The following IDH2 variants were observed in gnomAD, a reference collection of about 807,000 sequenced individuals.
IDH2 encodes the protein isocitrate dehydrogenase [NADP], mitochondrial.
IDH2 carries 18 observed loss-of-function variants against 50.5 expected under a neutral mutation model. That is an observed-to-expected ratio of 0.36 (90% CI 0.25 to 0.53). IDH2 has a LOEUF of 0.53. Ranked by LOEUF, IDH2 falls within the 20% of genes least tolerant of loss-of-function variation. IDH2 has a pLI of 0.92. For synonymous variants in IDH2, 280 were observed against 239.8 expected, an observed-to-expected ratio of 1.17 and a Z score of -1.55; for missense variants, 518 against 610.7, an observed-to-expected ratio of 0.85 and a Z score of 1.60.
Position 90,102,393 on chromosome 15 carries a change from C to A in IDH2, c.-3G>T. On this transcript the variant is annotated 5_prime_UTR_variant, in exon 1 of 11. Coordinates refer to ENST00000330062, the MANE Select transcript of IDH2 (RefSeq NM_002168.4). The stretch of plus-strand genomic sequence containing the variant: ...ACGACCCGCAGGTAGCCGGCCATCC[C>A]AAGCTGGAGAGCGAACGAGCAGGGC... 1 of 1,336,890 alleles carries A rather than the reference C, an allele frequency of 7.5e-7. No individual in the cohort carries two copies. The highest frequency in any genetic ancestry group is 1.8e-5 in the South Asian group (1 of 56,672). The allele number at this position is 1,336,890 out of a possible 1,614,324, so 82.8% of individuals were successfully genotyped here.
chr15:90,087,922 G>T (rs866521753), intron 5 of IDH2, among the ~76,000 whole-genome samples: 2 of 150,956 alleles, frequency 1.3e-5, no homozygotes, highest in Non-Finnish European at 2.9e-5. Flanking sequence ...TGTGTCCCTG[G>T]CTTATCCAAT....
chr15:90,084,739 G>T lies in IDH2; in HGVS notation c.1271+77C>A. 1.7e-6 allele frequency: 2 copies of T among 1,176,220 alleles called. No homozygotes were observed. Among genetic ancestry groups the T allele is most frequent in the Non-Finnish European group, 2.5e-6 (2 of 789,932 alleles). The allele number at this position is 1,176,220 out of a possible 1,614,324, so 72.9% of individuals were successfully genotyped here. On this transcript the variant is annotated intron_variant, in intron 10 of 10. Coordinates refer to ENST00000330062, the MANE Select transcript of IDH2 (RefSeq NM_002168.4). This position sits in a 1 kb window ranked among gnomAD's most constrained non-coding sequence, Gnocchi z 5.0. ...CCCCCTTGCAGCTAAGCTGACTCAT[G>T]AGGGGGACTTTAGGAGGGGTCCCCT...
intron 2 of IDH2, 80 bp from the exon 3 acceptor site, chr15:90,090,724 A>C: frequency 7.1e-7 from 1 of 1,415,228 alleles, no homozygotes. Flanking sequence ...AGAAGTCTGC[A>C]GGCCATGGCA....
intron 6 of IDH2, 72 bp from the exon 7 acceptor site, chr15:90,087,335 G>C: frequency 6.2e-7 from 1 of 1,612,264 alleles, no homozygotes; most frequent in Non-Finnish European, 8.5e-7. Flanking sequence ...CCTGAGCCTC[G>C]GAGCTGAGCC....
In IDH2 at chr15:90,085,038, G is replaced by T. The variant is rs1900821461; in HGVS notation, c.1141C>A (p.His381Asn). The change falls in exon 9 of 11, where the codon CAC becomes AAC. Residue 381 changes from histidine (H) to asparagine (N), a missense_variant. His to Asn is a moderately conservative substitution (Grantham distance 68). This residue lies in a region of IDH2 where 135 missense variants were observed against 167.6 expected (regional missense o/e 0.81). Coordinates refer to ENST00000330062, the MANE Select transcript of IDH2 (RefSeq NM_002168.4). This position sits in a 1 kb window ranked among gnomAD's most constrained non-coding sequence, Gnocchi z 5.5. ...SIFAWTRGLE[H>N]RGKLDGNQDL... ...TGGTTCCCATCCAGCTTCCCCCGGT[G>T]CTCCAGGCCACGTGTCCAGGCAAAG... 12 of 1,613,990 alleles carry T rather than the reference G, an allele frequency of 7.4e-6. No individual in the cohort carries two copies. In the East Asian group the frequency reaches 1.1e-4, roughly 15 times the overall value.
chr15:90,100,494 G>A lies in IDH2; in HGVS notation c.115+1782C>T, dbSNP rs1011718575. 3.2e-6 allele frequency: 1 copy of A among 308,888 alleles called. No homozygotes were observed. The allele number at this position is 308,888 out of a possible 1,614,324, so 19.1% of individuals were successfully genotyped here. ...CAAGAATTAAGAAGTTTCTGGGTTAGGAGTGAAGGAAGGCTAGATAAGTAA... is the reference window on the plus strand; with the variant it reads ...CAAGAATTAAGAAGTTTCTGGGTTAAGAGTGAAGGAAGGCTAGATAAGTAA... On this transcript the variant is annotated intron_variant, in intron 1 of 10. Transcript: ENST00000330062. The surrounding 1 kb of genome is among the most constrained non-coding windows in gnomAD (Gnocchi z 4.1).
At chr15:90,087,673 G>A (rs983692780) in intron 5 of IDH2, 98 bp from the exon 6 acceptor site, 62 of 1,407,822 alleles carry the variant, frequency 4.4e-5, no homozygotes, top group Non-Finnish European at 6.0e-5. Context: ...TCCAGGAACG[G>A]TACCCCGCCG....
Position 90,083,450 on chromosome 15 carries a change from A to G in IDH2, c.*816T>C, listed in dbSNP as rs1187138572. ...GCCCGGCCGAGAACAATTTGTCACA[A>G]GCTTACTTTTCTAGTTTTGCCAATG... On this transcript the variant is annotated 3_prime_UTR_variant, in exon 11 of 11. Transcript: ENST00000330062. The G allele has an allele frequency of 6.6e-6, 1 of 152,212 alleles. No homozygotes were observed. The highest frequency in any genetic ancestry group is 1.5e-5 in the Non-Finnish European group (1 of 68,134). 9.4% of individuals were successfully genotyped at this position (152,212 alleles called of 1,614,324 possible). A position where few individuals can be genotyped will look rare whatever the true frequency, so the allele number is the denominator to read the frequency against.
At chr15:90,092,106 C>T (rs1901054305) in intron 1 of IDH2, among the ~76,000 whole-genome samples, 1 of 152,160 alleles carries the variant, frequency 6.6e-6, no homozygotes, top group African/African-American at 2.4e-5. Context: ...AAGCTCAGGA[C>T]CCCCCGATTG....
chr15:90,088,750 G>A lies in IDH2; in HGVS notation c.374-3C>T, dbSNP rs113691157. The stretch of plus-strand genomic sequence containing the variant: ...CCACATCTTCTTCAGCTTGAACTCT[G>A]TGAGGACAGAGATAATAGTGGTCCC... On this transcript the variant is annotated splice_region_variant and splice_polypyrimidine_tract_variant and intron_variant, in intron 3 of 10. Coordinates refer to ENST00000330062, the MANE Select transcript of IDH2 (RefSeq NM_002168.4). 2 of 1,613,856 alleles carry A rather than the reference G, an allele frequency of 1.2e-6. No individual in the cohort carries two copies. The highest frequency in any genetic ancestry group is 3.3e-5 in the Admixed American group (2 of 59,976).
chr15:90,084,941 G>A lies in IDH2; in HGVS notation c.1179-33C>T, dbSNP rs2151546646. 1.2e-6 allele frequency: 2 copies of A among 1,611,190 alleles called. No homozygotes were observed. Among genetic ancestry groups the A allele is most frequent in the South Asian group, 1.1e-5 (1 of 91,016 alleles). On this transcript the variant is annotated intron_variant, in intron 9 of 10. Transcript: ENST00000330062. The surrounding 1 kb of genome is among the most constrained non-coding windows in gnomAD (Gnocchi z 5.0). ...GATGGGGCAGAATGAGACCCCATCT[G>A]TGCAAGGGCAGGACCCAGAGCCTGT...
chr15:90,092,790 C>T (rs1484440936), intron 1 of IDH2, among the ~76,000 whole-genome samples: 1 of 152,170 alleles, frequency 6.6e-6, no homozygotes, highest in Non-Finnish European at 1.5e-5. Context: ...GTTGGCCAGG[C>T]TGGTCTCAAA....
chr15:90,084,779 TG>T lies in IDH2; in HGVS notation c.1271+36del. 6.4e-7 allele frequency: 1 copy of T among 1,552,584 alleles called. No homozygotes were observed. On this transcript the variant is annotated intron_variant, in intron 10 of 10. Coordinates refer to ENST00000330062, the MANE Select transcript of IDH2 (RefSeq NM_002168.4). The surrounding 1 kb of genome is among the most constrained non-coding windows in gnomAD (Gnocchi z 5.0). ...AGGGGTCCCCTGGCTTCCTCCCACA[TG>T]GCCCCAGGGTCTGCCTACCACCCCA...
At position 90,090,562 on chromosome 15, in the gene IDH2, G is replaced by A; in HGVS notation, c.290C>T (p.Thr97Ile). 6.2e-7 allele frequency: 1 copy of A among 1,614,156 alleles called. No homozygotes were observed. Among genetic ancestry groups the A allele is most frequent in the Non-Finnish European group, 8.5e-7 (1 of 1,180,028 alleles). ...PNRDQTDDQV[T>I]IDSALATQKY... is the part of the protein sequence containing the mutation. ...CTGGGTGGCCAGTGCAGAGTCAATG[G>A]TGACCTGGTCATCAGTCTGGTCACG... The change falls in exon 3 of 11, where the codon ACC becomes ATC. Residue 97 changes from threonine to isoleucine, a missense_variant. Thr to Ile is a moderately conservative substitution (Grantham distance 89). Coordinates refer to ENST00000330062, the MANE Select transcript of IDH2 (RefSeq NM_002168.4).
intron 1 of IDH2, among the ~76,000 whole-genome samples, chr15:90,092,809 C>A (rs1055146069): frequency 8.5e-5 from 13 of 152,156 alleles, no homozygotes; most frequent in Non-Finnish European, 1.5e-4. Flanking sequence ...AACTCCTGAC[C>A]TCAAGTGATC....
intron 6 of IDH2, 29 bp from the exon 7 acceptor site, chr15:90,087,292 G>A (rs754471181): frequency 1.2e-6 from 2 of 1,614,102 alleles, no homozygotes; most frequent in Non-Finnish European, 1.7e-6. Context: ...GTTATGGGGA[G>A]AGGGCAGAAG....
chr15:90,090,636 C>A lies in IDH2; in HGVS notation c.216G>T (p.Leu72=), dbSNP rs1596076174. The change falls in exon 3 of 11, where the codon CTG becomes CTT. Residue 72 remains leucine (L), a synonymous_variant. Coordinates refer to ENST00000330062, the MANE Select transcript of IDH2 (RefSeq NM_002168.4). ...ACTTTAGCTGGATGTCCACGTGGGG[C>A]AGGATGAGCTGGGGACAGAGGGCCA... ...IWQFIKEKLI[L]PHVDIQLKYF... 6.2e-7 allele frequency: 1 copy of A among 1,614,134 alleles called. No individual in the cohort carries two copies. Among genetic ancestry groups the A allele is most frequent in the Non-Finnish European group, 8.5e-7 (1 of 1,180,010 alleles).
rs781648958 is a variant in IDH2 at position 90,087,512 on chromosome 15, T to C, written c.742A>G (p.Met248Val). 2 of 1,614,162 alleles carry C rather than the reference T, an allele frequency of 1.2e-6. No individual in the cohort carries two copies. The highest frequency in any genetic ancestry group is 2.2e-5 in the East Asian group (1 of 44,886). ...TTCAGTATGGTGTTCTTGGTGCTCA[T>C]GTACAGCGGCCATTTCTTCTGGATG... is the stretch of plus-strand genomic sequence containing the variant. Reference protein sequence around the residue: ...YAIQKKWPLYMSTKNTILKAY... With the variant: ...YAIQKKWPLYVSTKNTILKAY... The change falls in exon 6 of 11, where the codon ATG becomes GTG. Residue 248 changes from methionine (M) to valine (V), a missense_variant. Met to Val is a conservative substitution (Grantham distance 21, BLOSUM62 1). This residue lies in a region of IDH2 where 207 missense variants were observed against 208.6 expected (regional missense o/e 0.99). Coordinates refer to ENST00000330062, the MANE Select transcript of IDH2 (RefSeq NM_002168.4).
intron 1 of IDH2, 148 bp from the exon 2 acceptor site, chr15:90,091,792 AG>A: frequency 2.7e-6 from 2 of 727,664 alleles, no homozygotes; most frequent in Non-Finnish European, 4.9e-6. Flanking sequence ...TCTGCAAATC[AG>A]CTCCCTCACT....
Sources: allele counts gnomAD v4.1 joint callset (sites outside exome capture counted in the v4.1 genomes callset), GRCh38; gene constraint gnomAD v4.1.1; regional missense constraint gnomAD v4.1.1; non-coding constraint Gnocchi (gnomAD v3.1); transcripts MANE v1.5; gene names NCBI Gene and HGNC (gene_info 2026-07-23, HGNC 2026-07-21).